PRMT2: variants seen among roughly 807,000 people sequenced by gnomAD.
PRMT2 encodes protein arginine N-methyltransferase 2.
In PRMT2, 26 loss-of-function variants were observed where a neutral mutation model predicts 57.6. That is an observed-to-expected ratio of 0.45 (90% CI 0.33 to 0.63). The LOEUF (loss-of-function observed/expected upper bound fraction) is 0.63. PRMT2 is among the 20% of genes least tolerant of loss of function. The pLI, the probability that PRMT2 is intolerant of heterozygous loss-of-function variation, is 0.02. For missense variants in PRMT2, 472 were observed against 564.4 expected, an observed-to-expected ratio of 0.84 and a Z score of 1.66; for synonymous variants, 219 against 220.0, an observed-to-expected ratio of 1.00 and a Z score of 0.04.
chr21:46,635,824 T>A (rs2148954266), intron 1 of PRMT2, 61 bp downstream of exon 1: 1 of 152,448 alleles, frequency 6.6e-6, no homozygotes, highest in Non-Finnish European at 1.5e-5. Flanking sequence ...ACAGGCCAGG[T>A]GAGGCGTCCT....
chr21:46,652,086 C>T lies in PRMT2; in HGVS notation c.654+2347C>T, dbSNP rs1012922498. The T allele has an allele frequency of 3.8e-6, 6 of 1,567,454 alleles. No individual in the cohort carries two copies. The African/African-American group carries it at 5.4e-5, about 14-fold the overall frequency. ...TAGGAGGGGCAGCTTTCAGTCAGTGCAGCAAGGGCATGTAGTTGTTCAGAG... is the reference window on the plus strand; with the variant it reads ...TAGGAGGGGCAGCTTTCAGTCAGTGTAGCAAGGGCATGTAGTTGTTCAGAG... On this transcript the variant is annotated intron_variant, in intron 7 of 11. Coordinates refer to ENST00000355680, the MANE Select transcript of PRMT2 (RefSeq NM_206962.4).
intron 3 of PRMT2, among the ~76,000 whole-genome samples, chr21:46,639,614 T>C (rs1435877539): frequency 2.0e-5 from 3 of 151,990 alleles, no homozygotes; most frequent in African/African-American, 7.3e-5. Flanking sequence ...AATACTTCTT[T>C]TCTTGCGTGT....
chr21:46,654,080 C>T, intron 7 of PRMT2: 1 of 986,078 alleles, frequency 1.0e-6, no homozygotes, highest in Non-Finnish European at 1.2e-6. Context: ...GCTGAGACTG[C>T]AGTGTCCTCC....
At chr21:46,655,646 G>A (rs1029710398) in intron 7 of PRMT2, among the ~76,000 whole-genome samples, 1 of 152,192 alleles carries the variant, frequency 6.6e-6, no homozygotes, top group Non-Finnish European at 1.5e-5. Context: ...CAAGATCACA[G>A]AGTGCAAGGT....
chr21:46,643,395 A>G (rs1315023882), intron 3 of PRMT2, 140 bp from the exon 4 acceptor site: 2 of 1,278,934 alleles, frequency 1.6e-6, no homozygotes, highest in African/African-American at 1.5e-5. Context: ...AGTAGTAAAG[A>G]TGATCCAAAT....
intron 10 of PRMT2, among the ~76,000 whole-genome samples, chr21:46,662,374 C>T (rs2061642931): frequency 6.6e-6 from 1 of 152,242 alleles, no homozygotes; most frequent in South Asian, 2.1e-4. Flanking sequence ...CCTTCAGGGC[C>T]CTGCAGGCCT....
At position 46,661,947 on chromosome 21, in the gene PRMT2, G is replaced by A; in HGVS notation, c.1097+11G>A. On this transcript the variant is annotated intron_variant, in intron 10 of 11. Coordinates refer to ENST00000355680, the MANE Select transcript of PRMT2 (RefSeq NM_206962.4). Reference sequence around the variant, plus strand: ...CGGGCCCTTCCACCCGTGAGTGTGCGGGGCGCGGGCACGGGGTGCGGGGTG... The same window carrying A: ...CGGGCCCTTCCACCCGTGAGTGTGCAGGGCGCGGGCACGGGGTGCGGGGTG... 1.5e-6 allele frequency: 2 copies of A among 1,303,776 alleles called. No homozygotes were observed. The highest frequency in any genetic ancestry group is 9.8e-7 in the Non-Finnish European group (1 of 1,017,124). 80.8% of individuals were successfully genotyped at this position (1,303,776 alleles called of 1,614,324 possible).
At chr21:46,658,724 G>A (rs953052941) in intron 7 of PRMT2, 21 bp from the exon 8 acceptor site, 9 of 1,612,086 alleles carry the variant, frequency 5.6e-6, no homozygotes, top group African/African-American at 5.3e-5. Flanking sequence ...TGTCTCCTGT[G>A]TGTCTTTCAC....
intron 3 of PRMT2, among the ~76,000 whole-genome samples, chr21:46,640,617 A>AT (rs1267154007): frequency 6.6e-6 from 1 of 150,626 alleles, no homozygotes; most frequent in Non-Finnish European, 1.5e-5. Context: ...AATTTTTTGT[A>AT]TTTTTAGTAG....
chr21:46,661,154 C>G (rs2061614200), intron 9 of PRMT2, 192 bp downstream of exon 9: 2 of 525,064 alleles, frequency 3.8e-6, no homozygotes, highest in South Asian at 7.4e-5. Flanking sequence ...TTCTTTTTTA[C>G]GTTCTATTTT....
chr21:46,664,338 T>A lies in PRMT2; in HGVS notation c.*11T>A. Reference sequence around the variant, plus strand: ...CCCATCTGGAGATGACAGTTGATGCTTTATTTGGAAAGCAGTGTGCATATC... The same window carrying A: ...CCCATCTGGAGATGACAGTTGATGCATTATTTGGAAAGCAGTGTGCATATC... On this transcript the variant is annotated 3_prime_UTR_variant, in exon 12 of 12. Coordinates refer to ENST00000355680, the MANE Select transcript of PRMT2 (RefSeq NM_206962.4). 3.1e-6 allele frequency: 5 copies of A among 1,614,142 alleles called. No individual in the cohort carries two copies. The highest frequency in any genetic ancestry group is 4.2e-6 in the Non-Finnish European group (5 of 1,179,988).
intron 7 of PRMT2, chr21:46,651,737 T>G: frequency 6.4e-7 from 1 of 1,556,952 alleles, no homozygotes. Flanking sequence ...TGGTCGGATT[T>G]GAGGGAGGGA....
intron 10 of PRMT2, among the ~76,000 whole-genome samples, chr21:46,662,513 A>G (rs1045350148): frequency 1.3e-5 from 2 of 152,180 alleles, no homozygotes; most frequent in Non-Finnish European, 2.9e-5. Context: ...CTGGCCTGGC[A>G]TGTGGTCCCC....
chr21:46,661,185 C>A, intron 9 of PRMT2: 1 of 398,922 alleles, frequency 2.5e-6, no homozygotes, highest in Non-Finnish European at 4.4e-6. Flanking sequence ...TATTGTACAC[C>A]ATTTTATGTC....
At chr21:46,650,016 A>G (rs2061425682) in intron 7 of PRMT2, 2 of 1,386,092 alleles carry the variant, frequency 1.4e-6, no homozygotes, top group Non-Finnish European at 1.9e-6. Flanking sequence ...GATCTGTAAA[A>G]ATCCTGTGCC....
chr21:46,653,567 C>T (rs1410077260), intron 7 of PRMT2: 3 of 1,039,582 alleles, frequency 2.9e-6, no homozygotes, highest in Non-Finnish European at 3.5e-6. Flanking sequence ...GGCCGCCTGG[C>T]TTCCCAGTGG....
At chr21:46,659,337 A>G (rs2061586634) in intron 8 of PRMT2, 2 of 989,828 alleles carry the variant, frequency 2.0e-6, no homozygotes, top group South Asian at 9.2e-5. Flanking sequence ...GAGCAGCAAC[A>G]ATGGATGGAA....
chr21:46,661,889 G>A lies in PRMT2; in HGVS notation c.1050G>A (p.Leu350=). The A allele has an allele frequency of 6.7e-7, 1 of 1,492,904 alleles. No individual in the cohort carries two copies. Among genetic ancestry groups the A allele is most frequent in the South Asian group, 1.3e-5 (1 of 77,392 alleles). 92.5% of individuals were successfully genotyped at this position (1,492,904 alleles called of 1,614,324 possible). A position where few individuals can be genotyped will look rare whatever the true frequency, so the allele number is the denominator to read the frequency against. The part of the protein sequence containing the change: ...TAWFSVHFQS[L]QEGQPPQVLS... Reference sequence around the variant, plus strand: ...GGTTTAGCGTCCACTTCCAGAGCCTGCAGGAGGGGCAGCCGCCGCAGGTGC... The same window carrying A: ...GGTTTAGCGTCCACTTCCAGAGCCTACAGGAGGGGCAGCCGCCGCAGGTGC... Residue 350 remains leucine, a synonymous_variant, in exon 10 of 12, where the codon CTG becomes CTA. Coordinates refer to ENST00000355680, the MANE Select transcript of PRMT2 (RefSeq NM_206962.4).
rs375021346 is a variant in PRMT2 at position 46,653,147 on chromosome 21, A to G, written c.654+3408A>G. The stretch of plus-strand genomic sequence containing the variant: ...AATAAAGAATTTGGACCAAAATTAC[A>G]ACCACATTATGACGAATTTTCTAAG... On this transcript the variant is annotated intron_variant, in intron 7 of 11. Coordinates refer to ENST00000355680, the MANE Select transcript of PRMT2 (RefSeq NM_206962.4). The G allele has an allele frequency of 3.6e-5, 35 of 985,462 alleles. No homozygotes were observed. The East Asian group carries it at 2.6e-3, about 73-fold the overall frequency. The allele number at this position is 985,462 out of a possible 1,614,324, so 61.0% of individuals were successfully genotyped here.
Sources: allele counts gnomAD v4.1 joint callset (sites outside exome capture counted in the v4.1 genomes callset), GRCh38; gene constraint gnomAD v4.1.1; transcripts MANE v1.5; gene names NCBI Gene and HGNC (gene_info 2026-07-23, HGNC 2026-07-21).